Variants in PPARGC1B observed in about 807,000 individuals in gnomAD.
PPARGC1B encodes the protein PPARG coactivator 1 beta.
A neutral mutation model predicts 101.6 loss-of-function variants in PPARGC1B; 34 were observed. The observed-to-expected ratio is 0.33, with a 90% CI of 0.25 to 0.45. The LOEUF (loss-of-function observed/expected upper bound fraction) is 0.45. PPARGC1B is among the 20% of genes least tolerant of loss of function. PPARGC1B has a pLI of 1.00. For synonymous variants in PPARGC1B, 548 were observed against 539.3 expected (o/e 1.02, Z -0.22); for missense variants, 1,234 against 1,317.6 (o/e 0.94, Z 0.98).
intron 1 of PPARGC1B, among the ~76,000 whole-genome samples, chr5:149,764,430 C>T (rs1256174912): frequency 6.6e-6 from 1 of 152,162 alleles, no homozygotes; most frequent in Non-Finnish European, 1.5e-5. Context: ...GGAAACTGTG[C>T]TTAGTGGTTC....
Position 149,730,632 on chromosome 5 carries a change from C to T in PPARGC1B, c.78+212C>T, listed in dbSNP as rs922045859. On this transcript the variant is annotated intron_variant, in intron 1 of 11. Coordinates refer to ENST00000309241, the MANE Select transcript of PPARGC1B (RefSeq NM_133263.4). This position sits in a 1 kb window ranked among gnomAD's most constrained non-coding sequence, Gnocchi z 4.0. ...CCGGCGCGTGCCGGAGCGCTGGGGGCGCTACGGCCGCTGGGGAGGGTCTAG... is the reference window on the plus strand; with the variant it reads ...CCGGCGCGTGCCGGAGCGCTGGGGGTGCTACGGCCGCTGGGGAGGGTCTAG... Among the ~76,000 whole-genome samples the T allele has an allele frequency of 6.6e-6, 1 of 152,152 alleles. No individual in the cohort carries two copies. The highest frequency in any genetic ancestry group is 3.4e-3 in the Middle Eastern group (1 of 292).
chr5:149,750,171 G>A (rs563972522), intron 1 of PPARGC1B, among the ~76,000 whole-genome samples: 2 of 152,116 alleles, frequency 1.3e-5, no homozygotes, highest in South Asian at 2.1e-4. Flanking sequence ...AGAAGGTGGA[G>A]GAGGAACTCC....
chr5:149,772,175 G>A (rs779664827), intron 1 of PPARGC1B: 1 of 1,607,370 alleles, frequency 6.2e-7, no homozygotes, highest in Non-Finnish European at 8.5e-7. Flanking sequence ...AGGTGGCGTT[G>A]GTGGTGAAGG....
chr5:149,755,895 T>C lies in PPARGC1B; in HGVS notation c.78+25475T>C, dbSNP rs182908040. Among the ~76,000 whole-genome samples, 532 of 152,192 alleles carry C rather than the reference T, an allele frequency of 3.5e-3. 1 individual carries two copies. Among genetic ancestry groups the C allele is most frequent in the African/African-American group, 0.012 (491 of 41,542 alleles). On this transcript the variant is annotated intron_variant, in intron 1 of 11. Transcript: ENST00000309241. ...CTGACTTCAGGTAATCCACCCGCCT[T>C]GGCCCCCCAAAGTGCTGGGATTACA...
intron 1 of PPARGC1B, among the ~76,000 whole-genome samples, chr5:149,810,932 A>G (rs1023305088): frequency 1.3e-5 from 2 of 152,110 alleles, no homozygotes; most frequent in Non-Finnish European, 2.9e-5. Context: ...ATAAGACTTT[A>G]TTTCCTGTGT....
At position 149,755,939 on chromosome 5, in the gene PPARGC1B, C is replaced by T. The variant is rs77782424; in HGVS notation, c.78+25519C>T. ...GATTACAGGGGTGAGCCGCCGTGCCCGGCCTATGGTGTCATTGTTGCTGCT... is the reference window on the plus strand; with the variant it reads ...GATTACAGGGGTGAGCCGCCGTGCCTGGCCTATGGTGTCATTGTTGCTGCT... On this transcript the variant is annotated intron_variant, in intron 1 of 11. Coordinates refer to ENST00000309241, the MANE Select transcript of PPARGC1B (RefSeq NM_133263.4). Among the ~76,000 whole-genome samples the T allele has an allele frequency of 3.3e-3, 496 of 152,260 alleles. 2 individuals carry two copies. Among genetic ancestry groups the T allele is most frequent in the African/African-American group, 5.7e-3 (236 of 41,564 alleles).
At position 149,853,115 on chromosome 5, in the gene PPARGC1B, C is replaced by T. The variant is rs1480162021; in HGVS notation, c.*5557C>T. The T allele has an allele frequency of 6.6e-6, 1 of 152,172 alleles. No homozygotes were observed. Among genetic ancestry groups the T allele is most frequent in the Non-Finnish European group, 1.5e-5 (1 of 68,040 alleles). The allele number at this position is 152,172 out of a possible 1,614,324, so 9.4% of individuals were successfully genotyped here. ...CGGCTTACAAAAGCTTCCTTTTTCA[C>T]TTGACCACCCTTGCTCATTGGTTAC... is the stretch of plus-strand genomic sequence containing the variant. On this transcript the variant is annotated 3_prime_UTR_variant, in exon 12 of 12. Coordinates refer to ENST00000309241, the MANE Select transcript of PPARGC1B (RefSeq NM_133263.4). This position sits in a 1 kb window ranked among gnomAD's most constrained non-coding sequence, Gnocchi z 4.2.
At chr5:149,734,092 C>T (rs1373801374) in intron 1 of PPARGC1B, among the ~76,000 whole-genome samples, 2 of 151,902 alleles carry the variant, frequency 1.3e-5, no homozygotes, top group African/African-American at 2.4e-5. Flanking sequence ...GAGGCCGAGG[C>T]GGGTGAATCA....
rs1349935465 is a variant in PPARGC1B, at chr5:149,833,114, G to T, written c.1041G>T (p.Leu347=). 1 of 1,613,734 alleles carries T rather than the reference G, an allele frequency of 6.2e-7. No individual in the cohort carries two copies. The highest frequency in any genetic ancestry group is 1.3e-5 in the African/African-American group (1 of 74,946). The part of the protein sequence containing the change: ...WAEFSILREL[L]AQDVLCDVSK... ...AGTTCTCCATTCTGAGGGAACTTCT[G>T]GCTCAAGACGTGCTCTGTGATGTCA... is the stretch of plus-strand genomic sequence containing the variant. The change falls in exon 5 of 12, where the codon CTG becomes CTT. Residue 347 remains leucine (L), a synonymous_variant. Coordinates refer to ENST00000309241, the MANE Select transcript of PPARGC1B (RefSeq NM_133263.4). This position sits in a 1 kb window ranked among gnomAD's most constrained non-coding sequence, Gnocchi z 4.1.
At chr5:149,802,276 TC>T (rs1173684126) in intron 1 of PPARGC1B, among the ~76,000 whole-genome samples, 1 of 152,220 alleles carries the variant, frequency 6.6e-6, no homozygotes, top group Admixed American at 6.5e-5. Context: ...CCCTCGCTCC[TC>T]CGTCCCTCCT....
chr5:149,773,676 G>A (rs1031885723), intron 1 of PPARGC1B, among the ~76,000 whole-genome samples: 1 of 152,234 alleles, frequency 6.6e-6, no homozygotes, highest in Admixed American at 6.5e-5. Flanking sequence ...TAACAGACAC[G>A]GTGATGGGAG....
At chr5:149,796,209 A>G (rs1480653506) in intron 1 of PPARGC1B, among the ~76,000 whole-genome samples, 1 of 152,160 alleles carries the variant, frequency 6.6e-6, no homozygotes, top group African/African-American at 2.4e-5. Context: ...CAGAGTGAGC[A>G]GTCGGTGGAG....
Position 149,835,312 on chromosome 5 carries a change from T to C in PPARGC1B, c.1754T>C (p.Phe585Ser). The C allele has an allele frequency of 6.2e-7, 1 of 1,614,154 alleles. No individual in the cohort carries two copies. ...CCTGCCTCCACCAGCGACCCAACTT[T>C]TGGCAAGAAGAGCTTTGAGCAGACC... is the stretch of plus-strand genomic sequence containing the variant. ...MLALSQSDPT[F>S]GKKSFEQTLT... is the part of the protein sequence containing the mutation. The change falls in exon 7 of 12, where the codon TTT becomes TCT. Residue 585 changes from phenylalanine (F) to serine (S), a missense_variant. This residue lies in a region of PPARGC1B where 734 missense variants were observed against 768.4 expected (regional missense o/e 0.96). Coordinates refer to ENST00000309241, the MANE Select transcript of PPARGC1B (RefSeq NM_133263.4).
rs997058947 is a variant in PPARGC1B at position 149,845,546 on chromosome 5, G to A, written c.2817-214G>A. 3.9e-5 allele frequency: 22 copies of A among 557,718 alleles called. No homozygotes were observed. The East Asian group carries it at 6.1e-4, about 15-fold the overall frequency. 34.5% of individuals were successfully genotyped at this position (557,718 alleles called of 1,614,324 possible). On this transcript the variant is annotated intron_variant, in intron 10 of 11. Transcript: ENST00000309241. ...AGGAGTGTCTGAGGCAAGATGTGATGGCCAACACCTGGCAGACATTCAACA... is the reference window on the plus strand; with the variant it reads ...AGGAGTGTCTGAGGCAAGATGTGATAGCCAACACCTGGCAGACATTCAACA...
At chr5:149,814,575 C>T (rs1484615098) in intron 1 of PPARGC1B, among the ~76,000 whole-genome samples, 2 of 152,196 alleles carry the variant, frequency 1.3e-5, no homozygotes, top group South Asian at 2.1e-4. Flanking sequence ...CCCTCCGCCC[C>T]ACCTCCTCCA....
intron 1 of PPARGC1B, among the ~76,000 whole-genome samples, chr5:149,794,437 C>T (rs1198641617): frequency 1.3e-5 from 2 of 149,030 alleles, no homozygotes; most frequent in African/African-American, 2.5e-5. Context: ...CAGCAGAGCT[C>T]ACTCTCAGAG....
At chr5:149,759,417 G>C (rs1008232123) in intron 1 of PPARGC1B, among the ~76,000 whole-genome samples, 1 of 152,126 alleles carries the variant, frequency 6.6e-6, no homozygotes, top group Non-Finnish European at 1.5e-5. Flanking sequence ...GGATGGGAGG[G>C]GTGAACAAGC....
chr5:149,799,693 G>GTTTTTTTTTTTTTTTTTTTTTTTTTTTT (rs11371560), intron 1 of PPARGC1B, among the ~76,000 whole-genome samples: 1 of 76,480 alleles, frequency 1.3e-5, no homozygotes, highest in Non-Finnish European at 2.2e-5. Flanking sequence ...GCTTGTTGTT[G>GTTTTTTTTTTTTTTTTTTTTTTTTTTTT]TTTTTTTTTT....
At position 149,854,075 on chromosome 5, in the gene PPARGC1B, T is replaced by C. The variant is rs2113471812; in HGVS notation, c.*6517T>C. ...TTAATCAACTGGGCAAGGTGGTCCC[T>C]ATGGTCCTTTCCAGCATTTCCAAAT... On this transcript the variant is annotated 3_prime_UTR_variant, in exon 12 of 12. Transcript: ENST00000309241. The C allele has an allele frequency of 6.6e-6, 1 of 152,312 alleles. No individual in the cohort carries two copies. Among genetic ancestry groups the C allele is most frequent in the Non-Finnish European group, 1.5e-5 (1 of 68,024 alleles). 9.4% of individuals were successfully genotyped at this position (152,312 alleles called of 1,614,324 possible).
Sources: gnomAD v4.1 joint callset for allele counts (sites outside exome capture counted in the v4.1 genomes callset) on GRCh38, gnomAD v4.1.1 for gene constraint, gnomAD v4.1.1 regional missense constraint, Gnocchi (gnomAD v3.1) non-coding constraint, MANE v1.5 for transcripts, NCBI Gene and HGNC (gene_info 2026-07-23, HGNC 2026-07-21) for gene names.